The following RPGR variants were observed in gnomAD, a reference collection of about 807,000 sequenced individuals.
The protein encoded by RPGR is retinitis pigmentosa GTPase regulator.
Under a neutral mutation model 56.3 loss-of-function variants are expected in RPGR, and 10 were observed. That is an observed-to-expected ratio of 0.18 (90% CI 0.11 to 0.30). The LOEUF (loss-of-function observed/expected upper bound fraction) is 0.30, where lower values mean the gene tolerates loss of function less well. Among genes scored for constraint, RPGR ranks in the 10% least tolerant of loss-of-function variants. The pLI is 1.00. For synonymous variants in RPGR, 197 were observed against 212.9 expected (o/e 0.93, Z 0.65); for missense variants, 538 against 590.9 (o/e 0.91, Z 0.93).
chrX:38,315,910 C>G (rs2147273526), intron 6 of RPGR, among the ~76,000 whole-genome samples: 1 of 102,317 alleles, frequency 9.8e-6, no homozygotes, highest in African/African-American at 3.6e-5. Flanking sequence ...TATTATGTAC[C>G]CACAAATATT....
intron 8 of RPGR, among the ~76,000 whole-genome samples, chrX:38,302,125 GT>G (rs1293484978): frequency 8.9e-6 from 1 of 111,856 alleles, no homozygotes; most frequent in African/African-American, 3.3e-5. Context: ...GAGTAATCTT[GT>G]CACTTCTCGC....
At position 38,321,034 on chromosome X, in the gene RPGR, C is replaced by T. The variant is rs1455510704; in HGVS notation, c.303G>A (p.Val101=). ...ACAGGTTGAGCACTATACCTGTTGACACCAGGGTGTGGTTCCTTCCACAGG... is the reference window on the plus strand; with the variant it reads ...ACAGGTTGAGCACTATACCTGTTGATACCAGGGTGTGGTTCCTTCCACAGG... Residue 101 remains valine, a synonymous_variant, in exon 4 of 19, where the codon GTG becomes GTA. Transcript: ENST00000642395. 1 of 1,202,572 alleles carries T rather than the reference C, an allele frequency of 8.3e-7. No individual in the cohort carries two copies. Among genetic ancestry groups the T allele is most frequent in the Non-Finnish European group, 1.1e-6 (1 of 888,131 alleles).
chrX:38,302,441 C>T (rs778227271), intron 8 of RPGR, among the ~76,000 whole-genome samples: 9 of 111,396 alleles, frequency 8.1e-5, no homozygotes, highest in African/African-American at 2.3e-4. Context: ...AGCTGAAAGG[C>T]AACTAATACC....
chrX:38,320,640 AACAC>A (rs72350829), intron 4 of RPGR, among the ~76,000 whole-genome samples: 3,700 of 108,901 alleles, frequency 0.034, 95 homozygotes, highest in African/African-American at 0.097. Context: ...AATTTCTACA[AACAC>A]ACACACACAC....
chrX:38,309,324 A>T (rs1397975152), intron 7 of RPGR, among the ~76,000 whole-genome samples: 1 of 112,076 alleles, frequency 8.9e-6, no homozygotes, highest in East Asian at 2.8e-4. Flanking sequence ...ACATACAACT[A>T]CAAAGAAATC....
chrX:38,280,309 C>G (rs1357294688), intron 15 of RPGR, among the ~76,000 whole-genome samples: 1 of 110,735 alleles, frequency 9.0e-6, no homozygotes, highest in Non-Finnish European at 1.9e-5. Flanking sequence ...ACTTTTTTTT[C>G]CCATAATGTC....
chrX:38,286,104 C>G (rs762437958), intron 15 of RPGR: 2 of 450,623 alleles, frequency 4.4e-6, no homozygotes, highest in East Asian at 7.5e-5. Flanking sequence ...CCTCTTCCCC[C>G]TCCCCTTCTC....
intron 5 of RPGR, among the ~76,000 whole-genome samples, chrX:38,318,139 A>C (rs2067862209): frequency 9.0e-6 from 1 of 111,644 alleles, no homozygotes; most frequent in African/African-American, 3.2e-5. Context: ...TATTTTAAAT[A>C]ATTTACATTT....
intron 11 of RPGR, among the ~76,000 whole-genome samples, chrX:38,296,793 C>T (rs2067392442): frequency 9.0e-6 from 1 of 111,637 alleles, no homozygotes; most frequent in Admixed American, 9.5e-5. Flanking sequence ...TGGCTTTTGA[C>T]CCCAGTTTAA....
chrX:38,297,232 C>G, intron 11 of RPGR, 52 bp downstream of exon 11: 1 of 1,127,515 alleles, frequency 8.9e-7, no homozygotes, highest in Non-Finnish European at 1.2e-6. Context: ...ATAAAAACTA[C>G]AGGAATAAAA....
chrX:38,298,286 CAT>C (rs1177545191), intron 10 of RPGR: 39 of 247,017 alleles, frequency 1.6e-4, no homozygotes, highest in Non-Finnish European at 2.1e-4. Flanking sequence ...AAAAAAAACA[CAT>C]ATATATATAT....
Position 38,311,402 on chromosome X carries a change from T to A in RPGR, c.620-629A>T, listed in dbSNP as rs775581638. 3.6e-5 allele frequency among the ~76,000 whole-genome samples: 4 copies of A among 112,265 alleles called. No homozygotes were observed. In the East Asian group the frequency reaches 1.1e-3, roughly 31 times the overall value. Reference sequence around the variant, plus strand: ...AACTTCTTGAAAGCAAGAACTTTCTTATTCATTTCTATGCAATTAACTGAG... The same window carrying A: ...AACTTCTTGAAAGCAAGAACTTTCTAATTCATTTCTATGCAATTAACTGAG... On this transcript the variant is annotated intron_variant, in intron 6 of 18. Coordinates refer to ENST00000642395, the MANE Select transcript of RPGR (RefSeq NM_000328.3).
rs766309823 is a variant in RPGR at position 38,317,403 on chromosome X, T to C, written c.532A>G (p.Ser178Gly). ...ACTTGCTGAGGGACACAGACATTAC[T>C]TACATTTTTTAAACCAATTTGCCCT... Residue 178 changes from serine to glycine, a missense_variant, in exon 6 of 19, where the codon AGT becomes GGT. By Grantham distance (56) the Ser-to-Gly change is moderately conservative (BLOSUM62 0). Coordinates refer to ENST00000642395, the MANE Select transcript of RPGR (RefSeq NM_000328.3). 2.5e-6 allele frequency: 3 copies of C among 1,208,924 alleles called. No individual in the cohort carries two copies. In the Admixed American group the frequency reaches 6.5e-5, roughly 26 times the overall value.
chrX:38,274,042 GA>G (rs2066886710), intron 17 of RPGR: 1 of 112,404 alleles, frequency 8.9e-6, no homozygotes, highest in African/African-American at 3.2e-5. Context: ...TCTTATGGCA[GA>G]AGTTAAAAGG....
chrX:38,315,823 A>ATT, intron 6 of RPGR, among the ~76,000 whole-genome samples: 1 of 84,904 alleles, frequency 1.2e-5, no homozygotes, highest in African/African-American at 5.6e-5. Flanking sequence ...ATATATACAT[A>ATT]TATATATATA....
At chrX:38,293,409 T>C (rs1371414330) in intron 11 of RPGR, among the ~76,000 whole-genome samples, 5 of 111,993 alleles carry the variant, frequency 4.5e-5, no homozygotes, top group Non-Finnish European at 3.8e-5. Flanking sequence ...ACCATAATAC[T>C]ACCTATTACC....
Position 38,297,284 on chromosome X carries a change from C to G in RPGR, c.1414G>C (p.Asp472His). The G allele has an allele frequency of 8.3e-7, 1 of 1,209,159 alleles. No individual in the cohort carries two copies. Among genetic ancestry groups the G allele is most frequent in the Non-Finnish European group, 1.1e-6 (1 of 893,983 alleles). The change falls in exon 11 of 19, where the codon GAT becomes CAT. Residue 472 changes from aspartate to histidine, a missense_variant and splice_region_variant. By Grantham distance (81) the Asp-to-His change is moderately conservative (BLOSUM62 -1). This residue lies in a region of RPGR where 357 missense variants were observed against 325.8 expected (regional missense o/e 1.10). Transcript: ENST00000642395. ...GAGCAGACAGAGTAGCAAATGTTAC[C>G]TGGTTCCTCTGGCTGCATGAGGTCC...
At chrX:38,273,720 G>A (rs1047142417) in intron 17 of RPGR, 7 of 271,435 alleles carry the variant, frequency 2.6e-5, no homozygotes, top group Admixed American at 5.8e-5. Flanking sequence ...TAGCTACAAA[G>A]GTAATAGTCA....
chrX:38,295,768 C>T (rs771453911), intron 11 of RPGR, among the ~76,000 whole-genome samples: 11 of 111,472 alleles, frequency 9.9e-5, no homozygotes, highest in Admixed American at 3.8e-4. Context: ...CTTTGCCTAG[C>T]TTCCTGATCT....
Sources: allele counts gnomAD v4.1 joint callset (sites outside exome capture counted in the v4.1 genomes callset), GRCh38; gene constraint gnomAD v4.1.1; regional missense constraint gnomAD v4.1.1; transcripts MANE v1.5; gene names NCBI Gene and HGNC (gene_info 2026-07-23, HGNC 2026-07-21).